The following PITPNM3 variants were observed in gnomAD, a reference collection of about 807,000 sequenced individuals.
The protein encoded by PITPNM3 is PITPNM family member 3, also known as membrane-associated phosphatidylinositol transfer protein 3.
PITPNM3 carries 26 observed loss-of-function variants against 102.0 expected under a neutral mutation model. That is an observed-to-expected ratio of 0.25 (90% CI 0.19 to 0.35). PITPNM3 has a LOEUF of 0.35. Among genes scored for constraint, PITPNM3 ranks in the 10% least tolerant of loss-of-function variants. PITPNM3 has a pLI of 1.00. For missense variants in PITPNM3, 1,083 were observed against 1,346.1 expected, an observed-to-expected ratio of 0.80 and a Z score of 3.06; for synonymous variants, 578 against 558.6, an observed-to-expected ratio of 1.03 and a Z score of -0.49.
chr17:6,523,983 C>T (rs1405856475), intron 3 of PITPNM3, among the ~76,000 whole-genome samples: 1 of 152,200 alleles, frequency 6.6e-6, no homozygotes, highest in Non-Finnish European at 1.5e-5. Flanking sequence ...TTGCCACCAG[C>T]TTGGGGGACT....
chr17:6,544,124 C>T (rs1909880870), intron 1 of PITPNM3, among the ~76,000 whole-genome samples: 1 of 152,242 alleles, frequency 6.6e-6, no homozygotes. Flanking sequence ...CTGGCACCTG[C>T]ACCTACTGGC....
intron 14 of PITPNM3, among the ~76,000 whole-genome samples, chr17:6,467,544 G>A (rs1904848269): frequency 6.6e-6 from 1 of 152,182 alleles, no homozygotes; most frequent in Non-Finnish European, 1.5e-5. Flanking sequence ...AAAAGAGTTG[G>A]TTCATGAAGG....
intron 18 of PITPNM3, chr17:6,460,984 C>T: frequency 3.1e-6 from 1 of 326,944 alleles, no homozygotes; most frequent in South Asian, 2.7e-5. Context: ...TCACAGAAAG[C>T]ACATCCGGGT....
At chr17:6,504,322 C>A (rs1907361394) in intron 3 of PITPNM3, among the ~76,000 whole-genome samples, 1 of 152,040 alleles carries the variant, frequency 6.6e-6, no homozygotes, top group African/African-American at 2.4e-5. Context: ...CTCTCCTGAC[C>A]CCATGCCTGC....
At chr17:6,484,990 A>AT (rs1905988523) in intron 4 of PITPNM3, among the ~76,000 whole-genome samples, 1 of 151,742 alleles carries the variant, frequency 6.6e-6, no homozygotes, top group African/African-American at 2.4e-5. Flanking sequence ...GATTCGTGCC[A>AT]TTTTCTCCCC....
intron 2 of PITPNM3, among the ~76,000 whole-genome samples, chr17:6,531,088 T>C (rs1203663038): frequency 6.6e-6 from 1 of 152,234 alleles, no homozygotes; most frequent in Non-Finnish European, 1.5e-5. Flanking sequence ...ACCACCTCTG[T>C]TTGTACCTAG....
intron 17 of PITPNM3, among the ~76,000 whole-genome samples, chr17:6,461,783 C>T (rs1045284446): frequency 1.3e-5 from 2 of 152,198 alleles, no homozygotes; most frequent in Admixed American, 6.5e-5. Context: ...CTCATCTCCT[C>T]ACCCCTGCCC....
rs188459875 is a variant in PITPNM3 at position 6,518,895 on chromosome 17, T to C, written c.226+6461A>G. Among the ~76,000 whole-genome samples the C allele has an allele frequency of 5.3e-5, 8 of 152,330 alleles. No individual in the cohort carries two copies. The East Asian group carries it at 5.8e-4, about 11-fold the overall frequency. On this transcript the variant is annotated intron_variant, in intron 3 of 19. Transcript: ENST00000262483. Reference sequence around the variant, plus strand: ...GAGGGCCATGTTTGTTGGTAAAACATTGGAACGTTTCCATCACAGCACTAC... The same window carrying C: ...GAGGGCCATGTTTGTTGGTAAAACACTGGAACGTTTCCATCACAGCACTAC...
At chr17:6,513,709 A>G (rs1907997364) in intron 3 of PITPNM3, among the ~76,000 whole-genome samples, 1 of 152,258 alleles carries the variant, frequency 6.6e-6, no homozygotes, top group South Asian at 2.1e-4. Context: ...TAAGATGACA[A>G]TACTCCTCAA....
At chr17:6,461,622 G>T in intron 17 of PITPNM3, 66 bp from the exon 18 acceptor site, 3 of 1,560,612 alleles carry the variant, frequency 1.9e-6, no homozygotes, top group Non-Finnish European at 2.6e-6. Context: ...CCAGAAGCCT[G>T]CCCTGCCCGC....
In PITPNM3 at chr17:6,471,373, AG is replaced by A; in HGVS notation, c.1430-19del. ...GGCATCAGCTGGAGGGGGAATTTCA[AG>A]GTCAGGCTGAGTCACGTGTCTCCAG... is the stretch of plus-strand genomic sequence containing the variant. On this transcript the variant is annotated intron_variant, in intron 11 of 19. Coordinates refer to ENST00000262483, the MANE Select transcript of PITPNM3 (RefSeq NM_031220.4). 1 of 1,563,192 alleles carries A rather than the reference AG, an allele frequency of 6.4e-7. No individual in the cohort carries two copies. The highest frequency in any genetic ancestry group is 1.3e-5 in the African/African-American group (1 of 74,376).
At chr17:6,471,981 C>T (rs943742479) in intron 11 of PITPNM3, among the ~76,000 whole-genome samples, 5 of 152,206 alleles carry the variant, frequency 3.3e-5, no homozygotes, top group African/African-American at 4.8e-5. Flanking sequence ...CCATGCACAA[C>T]TCCCCCATCC....
At chr17:6,503,646 T>A in intron 3 of PITPNM3, 72 bp from the exon 4 acceptor site, 4 of 1,461,134 alleles carry the variant, frequency 2.7e-6, no homozygotes, top group South Asian at 1.2e-5. Context: ...CCAGGGAGGC[T>A]GCTTGGAGCT....
At chr17:6,548,958 T>C (rs181911649) in intron 1 of PITPNM3, among the ~76,000 whole-genome samples, 20 of 152,084 alleles carry the variant, frequency 1.3e-4, no homozygotes, top group Non-Finnish European at 2.4e-4. Flanking sequence ...GAAGAATGGG[T>C]CATCTGGGAA....
At position 6,469,334 on chromosome 17, in the gene PITPNM3, G is replaced by A. The variant is rs1242773782; in HGVS notation, c.1773+926C>T. ...AGACAGTCGTGGATGTGCCACGTGG[G>A]GCACAGGTTTGGGCTGGAGCACCCT... On this transcript the variant is annotated intron_variant, in intron 13 of 19. Coordinates refer to ENST00000262483, the MANE Select transcript of PITPNM3 (RefSeq NM_031220.4). This position sits in a 1 kb window ranked among gnomAD's most constrained non-coding sequence, Gnocchi z 4.0. Among the ~76,000 whole-genome samples the A allele has an allele frequency of 6.6e-6, 1 of 152,082 alleles. No homozygotes were observed. The highest frequency in any genetic ancestry group is 1.5e-5 in the Non-Finnish European group (1 of 68,010).
At position 6,457,590 on chromosome 17, in the gene PITPNM3, C is replaced by A. The variant is rs371822776; in HGVS notation, c.2619+4G>T. The stretch of plus-strand genomic sequence containing the variant: ...TCCCCGCCTCCAGCCCCGCCTCCAC[C>A]CACCTGGCACTGGGTTTGGTACTTC... On this transcript the variant is annotated splice_donor_region_variant and intron_variant, in intron 19 of 19. Transcript: ENST00000262483. This position sits in a 1 kb window ranked among gnomAD's most constrained non-coding sequence, Gnocchi z 4.7. 3 of 1,613,760 alleles carry A rather than the reference C, an allele frequency of 1.9e-6. No individual in the cohort carries two copies. Among genetic ancestry groups the A allele is most frequent in the Non-Finnish European group, 2.5e-6 (3 of 1,179,962 alleles).
chr17:6,535,865 C>G (rs1909387616), intron 2 of PITPNM3, among the ~76,000 whole-genome samples: 1 of 152,004 alleles, frequency 6.6e-6, no homozygotes, highest in African/African-American at 2.4e-5. Flanking sequence ...TGAGACCAGC[C>G]TGGCCAGCAT....
chr17:6,455,655 A>T lies in PITPNM3; in HGVS notation c.2620-12T>A. On this transcript the variant is annotated splice_polypyrimidine_tract_variant and intron_variant, in intron 19 of 19. Coordinates refer to ENST00000262483, the MANE Select transcript of PITPNM3 (RefSeq NM_031220.4). Reference sequence around the variant, plus strand: ...CCCTCGCTCAGGAACTGCGGAGGGCAGGGGAGGGCAGGGGAGGGCAGGGCA... The same window carrying T: ...CCCTCGCTCAGGAACTGCGGAGGGCTGGGGAGGGCAGGGGAGGGCAGGGCA... 86 of 855,234 alleles carry T rather than the reference A, an allele frequency of 1.0e-4. No individual in the cohort carries two copies. The highest frequency in any genetic ancestry group is 1.4e-4 in the African/African-American group (4 of 28,184). 53.0% of individuals were successfully genotyped at this position (855,234 alleles called of 1,614,324 possible).
Position 6,538,066 on chromosome 17 carries a change from G to C in PITPNM3, c.39C>G (p.Gly13=). 1.2e-6 allele frequency: 2 copies of C among 1,612,010 alleles called. No homozygotes were observed. The highest frequency in any genetic ancestry group is 1.7e-6 in the Non-Finnish European group (2 of 1,178,190). ...KAGRAGGPPP[G]GGAPWHLRNV... ...TTCGAAGGTGCCAGGGGGCACCGCC[G>C]CCCGGGGGAGGACCACCTGTTAAAG... The change falls in exon 2 of 20, where the codon GGC becomes GGG. Residue 13 remains glycine (G), a synonymous_variant. Coordinates refer to ENST00000262483, the MANE Select transcript of PITPNM3 (RefSeq NM_031220.4).
Sources: allele counts gnomAD v4.1 joint callset (sites outside exome capture counted in the v4.1 genomes callset), GRCh38; gene constraint gnomAD v4.1.1; non-coding constraint Gnocchi (gnomAD v3.1); transcripts MANE v1.5; gene names NCBI Gene and HGNC (gene_info 2026-07-23, HGNC 2026-07-21).